MSN: variants seen among roughly 807,000 people sequenced by gnomAD.
MSN encodes the protein epididymis luminal protein 70.
In MSN, 2 loss-of-function variants were observed where a neutral mutation model predicts 48.0. The ratio of observed to expected loss-of-function variants is 0.04; its 90% CI spans 0.02 to 0.13. MSN has a LOEUF of 0.13. MSN is among the 10% of genes least tolerant of loss of function. The pLI is 1.00. For synonymous variants in MSN, 146 were observed against 166.9 expected, an observed-to-expected ratio of 0.87 and a Z score of 0.97; for missense variants, 267 against 470.1, an observed-to-expected ratio of 0.57 and a Z score of 3.99.
upstream of MSN, among the ~76,000 whole-genome samples, chrX:65,666,223 G>A (rs1190788568): frequency 9.2e-6 from 1 of 108,351 alleles, no homozygotes; most frequent in East Asian, 2.9e-4. Flanking sequence ...TCGCCATGTT[G>A]AGCAGGCTGG....
intron 1 of MSN, among the ~76,000 whole-genome samples, chrX:65,646,451 C>T (rs142817743): frequency 1.5e-3 from 169 of 111,834 alleles, no homozygotes; most frequent in African/African-American, 5.3e-3. Context: ...GATAACATAG[C>T]TCACATCCTC....
rs113461785 is a variant in MSN at position 65,609,108 on chromosome X, A to T, written c.-22+20496A>T. On this transcript the variant is annotated intron_variant, in intron 1 of 3. Coordinates refer to the MSN transcript ENST00000609672. Reference sequence around the variant, plus strand: ...TATATTTATAGCTCCAGGGCTCTCAATGAGAGCCCTGGAGCTATATATACA... The same window carrying T: ...TATATTTATAGCTCCAGGGCTCTCATTGAGAGCCCTGGAGCTATATATACA... Among the ~76,000 whole-genome samples the T allele has an allele frequency of 6.2e-3, 642 of 103,178 alleles. 6 individuals are homozygous for T. Among genetic ancestry groups the T allele is most frequent in the African/African-American group, 0.021 (607 of 28,872 alleles). The allele number at this position is 103,178 out of a possible 115,157, so 89.6% of individuals were successfully genotyped here.
intron 1 of MSN, among the ~76,000 whole-genome samples, chrX:65,659,666 G>T (rs771996216): frequency 9.0e-6 from 1 of 111,473 alleles, no homozygotes; most frequent in African/African-American, 3.3e-5. Context: ...TCCAGCTCCA[G>T]AATGTCCCTG....
At chrX:65,713,277 TG>T (rs1383854113) in intron 1 of MSN, among the ~76,000 whole-genome samples, 1 of 111,850 alleles carries the variant, frequency 8.9e-6, no homozygotes, top group African/African-American at 3.3e-5. Flanking sequence ...TATTTTGGTC[TG>T]GGCCTGTTTC....
intron 1 of MSN, among the ~76,000 whole-genome samples, chrX:65,709,765 C>T (rs1017668301): frequency 9.8e-5 from 11 of 112,649 alleles, no homozygotes; most frequent in Non-Finnish European, 2.1e-4. Flanking sequence ...TGGCTTGCTT[C>T]CTTTGAAAAT....
intron 1 of MSN, among the ~76,000 whole-genome samples, chrX:65,714,812 G>C (rs980244396): frequency 2.7e-5 from 3 of 111,568 alleles, no homozygotes; most frequent in African/African-American, 9.8e-5. Flanking sequence ...CTTTAGTTTA[G>C]TTAGATCTCA....
intron 1 of MSN, among the ~76,000 whole-genome samples, chrX:65,610,814 T>C (rs1602715948): frequency 8.9e-6 from 1 of 112,495 alleles, no homozygotes; most frequent in East Asian, 2.7e-4. Context: ...TTTTTAACTG[T>C]AGCAAAATAC....
intron 2 of MSN, among the ~76,000 whole-genome samples, chrX:65,718,250 G>A (rs1039399327): frequency 1.8e-5 from 2 of 109,858 alleles, no homozygotes; most frequent in African/African-American, 6.6e-5. Flanking sequence ...TGAACTCTCT[G>A]GGTTGGTATC....
intron 1 of MSN, chrX:65,716,575 C>T (rs2071468010): frequency 4.6e-6 from 2 of 430,342 alleles, no homozygotes; most frequent in South Asian, 2.8e-5. Flanking sequence ...TGCACCCGGC[C>T]TTCATGCTTG....
chrX:65,607,174 G>A (rs1292522692), intron 1 of MSN, among the ~76,000 whole-genome samples: 8 of 112,376 alleles, frequency 7.1e-5, no homozygotes, highest in African/African-American at 9.7e-5. Flanking sequence ...AAATTGAGGC[G>A]AGAGAAGTTT....
chrX:65,738,577 G>A lies in MSN; in HGVS notation c.1304G>A (p.Arg435Gln), dbSNP rs371555667. ...TARISQLEMARQKKESEAVEW... is the reference protein window; with the variant it reads ...TARISQLEMAQQKKESEAVEW... ...CGAATCTCCCAGCTGGAGATGGCCC[G>A]ACAGAAGAAGGAGAGTGAGGCTGTG... The change falls in exon 11 of 13, where the codon CGA becomes CAA. Residue 435 changes from arginine to glutamine, a missense_variant. By Grantham distance (43) the Arg-to-Gln change is conservative (BLOSUM62 1). This residue lies in a region of MSN where 70 missense variants were observed against 76.3 expected (regional missense o/e 0.92). Coordinates refer to ENST00000360270, the MANE Select transcript of MSN (RefSeq NM_002444.3). The A allele has an allele frequency of 2.7e-5, 33 of 1,207,815 alleles. No homozygotes were observed. Among genetic ancestry groups the A allele is most frequent in the Non-Finnish European group, 3.4e-5 (30 of 894,122 alleles).
At chrX:65,634,382 G>T (rs1415411286) in intron 1 of MSN, among the ~76,000 whole-genome samples, 1 of 112,483 alleles carries the variant, frequency 8.9e-6, no homozygotes, top group African/African-American at 3.2e-5. Context: ...GGTGGCCGAG[G>T]TGGGTGGATC....
chrX:65,679,970 G>GTGGGCTATGCAGGAGCTTGC (rs2071038062), intron 1 of MSN, among the ~76,000 whole-genome samples: 1 of 112,496 alleles, frequency 8.9e-6, no homozygotes, highest in East Asian at 2.8e-4. Context: ...GGAATGGCCT[G>GTGGGCTATGCAGGAGCTTGC]TGGGCTATGC....
intron 1 of MSN, among the ~76,000 whole-genome samples, chrX:65,649,566 A>C (rs1390977822): frequency 1.1e-5 from 1 of 90,666 alleles, no homozygotes; most frequent in African/African-American, 4.4e-5. Flanking sequence ...ACAGAGAGAG[A>C]CTCTATCTCA....
At chrX:65,715,978 A>T (rs1290949235) in intron 1 of MSN, among the ~76,000 whole-genome samples, 1 of 111,962 alleles carries the variant, frequency 8.9e-6, no homozygotes, top group Non-Finnish European at 1.9e-5. Flanking sequence ...GATGGCTCTT[A>T]TTATTTTGAG....
At chrX:65,689,522 A>C (rs1287883096) in intron 1 of MSN, among the ~76,000 whole-genome samples, 2 of 111,557 alleles carry the variant, frequency 1.8e-5, no homozygotes, top group African/African-American at 6.5e-5. Flanking sequence ...TGATAAGCTG[A>C]CATCATGAGG....
intron 1 of MSN, among the ~76,000 whole-genome samples, chrX:65,648,090 G>C (rs1419961726): frequency 4.7e-5 from 5 of 106,308 alleles, no homozygotes; most frequent in Non-Finnish European, 9.7e-5. Context: ...TTTTAGAATG[G>C]CTCATTGATA....
intron 1 of MSN, among the ~76,000 whole-genome samples, chrX:65,685,196 T>C (rs1373076489): frequency 8.9e-6 from 1 of 112,554 alleles, no homozygotes; most frequent in Non-Finnish European, 1.9e-5. Context: ...AAGATGATGG[T>C]AGCTGCTCCC....
At chrX:65,695,799 T>G (rs1438181132) in intron 1 of MSN, among the ~76,000 whole-genome samples, 5 of 106,882 alleles carry the variant, frequency 4.7e-5, no homozygotes, top group African/African-American at 1.9e-4. Context: ...TGGGAAGATC[T>G]TTAATTCATT....
Sources: allele counts gnomAD v4.1 joint callset (sites outside exome capture counted in the v4.1 genomes callset), GRCh38; gene constraint gnomAD v4.1.1; regional missense constraint gnomAD v4.1.1; transcripts MANE v1.5; gene names NCBI Gene and HGNC (gene_info 2026-07-23, HGNC 2026-07-21).